The following CFAP54 variants were observed in gnomAD, a reference collection of about 807,000 sequenced individuals.
CFAP54 encodes cilia- and flagella-associated protein 54.
In CFAP54, 290 loss-of-function variants were observed where a neutral mutation model predicts 370.4. The observed-to-expected ratio is 0.78, with a 90% CI of 0.71 to 0.86. CFAP54 has a LOEUF of 0.86. CFAP54 is among the 40% of genes least tolerant of loss of function. The probability of loss-of-function intolerance (pLI) is 0.00; values close to 1 mark genes in which losing one functional copy is unlikely to be tolerated. For synonymous variants in CFAP54, 1,206 were observed against 1,236.5 expected, an observed-to-expected ratio of 0.98 and a Z score of 0.52; for missense variants, 3,399 against 3,528.7, an observed-to-expected ratio of 0.96 and a Z score of 0.93.
chr12:96,520,332 T>G, intron 6 of CFAP54, among the ~76,000 whole-genome samples: 1 of 152,086 alleles, frequency 6.6e-6, no homozygotes, highest in East Asian at 1.9e-4. Context: ...TCACCTGAGA[T>G]CAGGAGTTCG....
chr12:96,598,985 T>C (rs1403392513), intron 26 of CFAP54, among the ~76,000 whole-genome samples: 1 of 152,006 alleles, frequency 6.6e-6, no homozygotes, highest in Non-Finnish European at 1.5e-5. Flanking sequence ...CTTGATGTTA[T>C]TGAAATAGCA....
intron 22 of CFAP54, among the ~76,000 whole-genome samples, chr12:96,585,268 C>T (rs1396006271): frequency 6.6e-6 from 1 of 152,202 alleles, no homozygotes; most frequent in Non-Finnish European, 1.5e-5. Context: ...TCAAGCCATT[C>T]TCCTGCCTCA....
rs967819067 is a variant in CFAP54 at position 96,856,253 on chromosome 12, T to C, written c.9172-4566T>C. Among the ~76,000 whole-genome samples, 4 of 152,344 alleles carry C rather than the reference T, an allele frequency of 2.6e-5. No individual in the cohort carries two copies. The East Asian group carries it at 7.7e-4, about 29-fold the overall frequency. On this transcript the variant is annotated intron_variant, in intron 66 of 67. Transcript: ENST00000524981. Reference sequence around the variant, plus strand: ...TGCCCCGAAGGTCTCTGACTTGCCCTGGAGCATAAATTGTGATGTTTTCTC... The same window carrying C: ...TGCCCCGAAGGTCTCTGACTTGCCCCGGAGCATAAATTGTGATGTTTTCTC...
At chr12:96,837,162 A>G (rs181844931) in intron 66 of CFAP54, among the ~76,000 whole-genome samples, 4 of 152,344 alleles carry the variant, frequency 2.6e-5, no homozygotes, top group Admixed American at 2.0e-4. Flanking sequence ...AGATATTGAT[A>G]ACCACATGCT....
At chr12:96,684,464 A>T (rs1957302951) in intron 40 of CFAP54, among the ~76,000 whole-genome samples, 184 bp from the exon 41 acceptor site, 1 of 152,162 alleles carries the variant, frequency 6.6e-6, no homozygotes, top group African/African-American at 2.4e-5. Context: ...CTGTAATCAA[A>T]CAGAACGTTT....
intron 17 of CFAP54, 44 bp downstream of exon 17, chr12:96,554,846 G>C: frequency 1.3e-6 from 2 of 1,498,526 alleles, no homozygotes; most frequent in Non-Finnish European, 1.8e-6. Flanking sequence ...TCAATTTTAA[G>C]CCAGACTCCA....
intron 48 of CFAP54, 80 bp from the exon 49 acceptor site, chr12:96,718,358 CAAAAT>C (rs941068501): frequency 4.4e-5 from 33 of 741,610 alleles, no homozygotes; most frequent in East Asian, 8.5e-5. Context: ...GACCCTGTCT[CAAAAT>C]AAAATAAAAT....
In CFAP54 at chr12:96,576,741, C is replaced by T; in HGVS notation, c.2776C>T (p.Pro926Ser). Reference protein sequence around the residue: ...THCSVTLKPAPFTSEVKVSWY... With the variant: ...THCSVTLKPASFTSEVKVSWY... The stretch of plus-strand genomic sequence containing the variant: ...TTGTTCTGTGACACTCAAACCTGCT[C>T]CATTTACTTCAGAGGTTAAGGTATG... Residue 926 changes from proline (P) to serine (S), a missense_variant, in exon 20 of 68, where the codon CCA becomes TCA. Coordinates refer to ENST00000524981, the MANE Select transcript of CFAP54 (RefSeq NM_001306084.2). 1 of 1,534,960 alleles carries T rather than the reference C, an allele frequency of 6.5e-7. No individual in the cohort carries two copies. Among genetic ancestry groups the T allele is most frequent in the Non-Finnish European group, 8.7e-7 (1 of 1,146,418 alleles).
intron 26 of CFAP54, among the ~76,000 whole-genome samples, chr12:96,602,945 A>T (rs1176056371): frequency 6.6e-6 from 1 of 152,204 alleles, no homozygotes; most frequent in South Asian, 2.1e-4. Context: ...TGGAGCACTT[A>T]GCCCATTTAC....
chr12:96,733,755 G>A (rs1957949881), intron 50 of CFAP54, among the ~76,000 whole-genome samples: 1 of 152,146 alleles, frequency 6.6e-6, no homozygotes, highest in Non-Finnish European at 1.5e-5. Flanking sequence ...CTGCAACTAA[G>A]CAGTACCGAG....
intron 22 of CFAP54, among the ~76,000 whole-genome samples, chr12:96,585,092 G>A (rs911734881): frequency 2.6e-5 from 4 of 151,056 alleles, no homozygotes; most frequent in Admixed American, 6.6e-5. Context: ...CTGGAATGCC[G>A]CTGATCTCAT....
intron 66 of CFAP54, among the ~76,000 whole-genome samples, chr12:96,842,491 T>G (rs1959229288): frequency 6.6e-6 from 1 of 152,230 alleles, no homozygotes; most frequent in South Asian, 2.1e-4. Context: ...TTTTGTCATT[T>G]CAAGAATGTT....
At chr12:96,520,920 G>A (rs1162704465) in intron 6 of CFAP54, among the ~76,000 whole-genome samples, 1 of 152,170 alleles carries the variant, frequency 6.6e-6, no homozygotes, top group African/African-American at 2.4e-5. Flanking sequence ...GTGGCACATA[G>A]GCAGAACAGC....
At chr12:96,539,097 A>C (rs1275587524) in intron 13 of CFAP54, among the ~76,000 whole-genome samples, 1 of 80,214 alleles carries the variant, frequency 1.2e-5, no homozygotes, top group East Asian at 3.7e-4. Flanking sequence ...TTTGAGATGG[A>C]GTCTTGCTCT....
intron 67 of CFAP54, 101 bp from the exon 68 acceptor site, chr12:96,875,017 C>T (rs1960272005): frequency 6.6e-6 from 1 of 152,076 alleles, no homozygotes; most frequent in Non-Finnish European, 1.5e-5. Flanking sequence ...AGCGCAGGAG[C>T]ATAATTTTTG....
At chr12:96,775,596 G>T (rs1362607) in intron 60 of CFAP54, among the ~76,000 whole-genome samples, 4,330 of 152,218 alleles carry the variant, frequency 0.028, 211 homozygotes, top group African/African-American at 0.097. Flanking sequence ...TTGCCCATGG[G>T]CTAGAGTTTG....
At chr12:96,775,523 C>A (rs1188924310) in intron 60 of CFAP54, among the ~76,000 whole-genome samples, 1 of 152,112 alleles carries the variant, frequency 6.6e-6, no homozygotes, top group Non-Finnish European at 1.5e-5. Context: ...TTTTTTCCAA[C>A]CATTAAAAAT....
chr12:96,776,535 AT>A (rs1958519650), intron 60 of CFAP54, among the ~76,000 whole-genome samples: 1 of 152,208 alleles, frequency 6.6e-6, no homozygotes, highest in African/African-American at 2.4e-5. Flanking sequence ...CTGCAATATA[AT>A]GTTTTGGTTG....
chr12:96,751,280 C>T (rs1439499812), intron 55 of CFAP54, among the ~76,000 whole-genome samples: 1 of 152,090 alleles, frequency 6.6e-6, no homozygotes, highest in East Asian at 1.9e-4. Context: ...TGGGGACATA[C>T]TAGGAAGCCA....
Sources: gnomAD v4.1 joint callset for allele counts (sites outside exome capture counted in the v4.1 genomes callset) on GRCh38, gnomAD v4.1.1 for gene constraint, MANE v1.5 for transcripts, NCBI Gene and HGNC (gene_info 2026-07-23, HGNC 2026-07-21) for gene names.